The following MYH8 variants were observed in gnomAD, a reference collection of about 807,000 sequenced individuals.
MYH8 encodes myosin-8.
MYH8 carries 168 observed loss-of-function variants against 233.2 expected under a neutral mutation model. The ratio of observed to expected loss-of-function variants is 0.72; its 90% CI spans 0.64 to 0.82. The LOEUF (loss-of-function observed/expected upper bound fraction) is 0.82, where lower values mean the gene tolerates loss of function less well. Ranked by LOEUF, MYH8 falls within the 40% of genes least tolerant of loss-of-function variation. MYH8 has a pLI of 0.00. For missense variants in MYH8, 1,995 were observed against 2,327.8 expected (o/e 0.86, Z 2.94); for synonymous variants, 785 against 850.6 (o/e 0.92, Z 1.34).
intron 30 of MYH8, 81 bp from the exon 31 acceptor site, chr17:10,397,067 C>G (rs779827669): frequency 6.3e-5 from 92 of 1,456,402 alleles, no homozygotes; most frequent in Non-Finnish European, 1.2e-5. Flanking sequence ...TTTCACAGTC[C>G]TATTTCTTTT....
At position 10,400,205 on chromosome 17, in the gene MYH8, C is replaced by A. The variant is rs1440233500; in HGVS notation, c.3735+185G>T. On this transcript the variant is annotated intron_variant, in intron 27 of 39. Transcript: ENST00000403437. This position sits in a 1 kb window ranked among gnomAD's most constrained non-coding sequence, Gnocchi z 4.0. The stretch of plus-strand genomic sequence containing the variant: ...GCGACAGAGTGAGACTCCATCCCCC[C>A]GCTCCAAAAAAAAATCATCTTAATC... Among the ~76,000 whole-genome samples the A allele has an allele frequency of 6.6e-6, 1 of 151,392 alleles. No individual in the cohort carries two copies. The highest frequency in any genetic ancestry group is 1.5e-5 in the Non-Finnish European group (1 of 67,894).
intron 9 of MYH8, among the ~76,000 whole-genome samples, chr17:10,414,703 C>T (rs1193090407): frequency 6.6e-6 from 1 of 152,174 alleles, no homozygotes; most frequent in African/African-American, 2.4e-5. Context: ...ATGAAGGATC[C>T]ATGACCTCTG....
At position 10,395,424 on chromosome 17, in the gene MYH8, T is replaced by C. The variant is rs1328515922; in HGVS notation, c.4671A>G (p.Glu1557=). The change falls in exon 34 of 40, where the codon GAA becomes GAG. Residue 1557 remains glutamate (E), a synonymous_variant. Coordinates refer to ENST00000403437, the MANE Select transcript of MYH8 (RefSeq NM_002472.3). ...GCTGGATACGCAGAATCTTTCCTTC[T>C]TCATGTTCAAGAGATGCCTTAACAA... ...LEEAEASLEH[E]EGKILRIQLE... The C allele has an allele frequency of 6.2e-7, 1 of 1,614,012 alleles. No homozygotes were observed. Among genetic ancestry groups the C allele is most frequent in the Non-Finnish European group, 8.5e-7 (1 of 1,179,996 alleles).
chr17:10,405,666 A>G (rs975587209), intron 21 of MYH8, among the ~76,000 whole-genome samples: 2 of 152,204 alleles, frequency 1.3e-5, no homozygotes, highest in Non-Finnish European at 1.5e-5. Context: ...AGATGAGATA[A>G]GAAGATAAGC....
chr17:10,392,056 C>T, intron 38 of MYH8, 79 bp from the exon 39 acceptor site: 1 of 1,222,006 alleles, frequency 8.2e-7, no homozygotes, highest in South Asian at 1.2e-5. Context: ...AATCATTTGG[C>T]ATGATGGCAG....
Position 10,401,604 on chromosome 17 carries a change from A to G in MYH8, c.2870T>C (p.Ile957Thr), listed in dbSNP as rs771221561. ...EDECSELKKD[I>T]DDLELTLAKV... ...GGCCAGTGTCAGCTCAAGGTCATCAATGTCTTTCTTGAGTTCTGAACATTC... is the reference window on the plus strand; with the variant it reads ...GGCCAGTGTCAGCTCAAGGTCATCAGTGTCTTTCTTGAGTTCTGAACATTC... Residue 957 changes from isoleucine (I) to threonine (T), a missense_variant, in exon 23 of 40, where the codon ATT (isoleucine) becomes ACT (threonine). Around this residue, in one of 3 missense-constraint regions of MYH8, gnomAD observed 1,498 missense variants for 1,680.9 expected, o/e 0.89. Coordinates refer to ENST00000403437, the MANE Select transcript of MYH8 (RefSeq NM_002472.3). 4.3e-6 allele frequency: 7 copies of G among 1,614,040 alleles called. No homozygotes were observed. Among genetic ancestry groups the G allele is most frequent in the South Asian group, 1.1e-5 (1 of 91,070 alleles).
Position 10,397,069 on chromosome 17 carries a change from A to ATTTCT in MYH8, c.4179-88_4179-84dup, listed in dbSNP as rs568240473. ...CTCCTTGGTCCCTTTTCACAGTCCTATTTCTTTTCTTTTCTTTTGTTTCTT... is the reference window on the plus strand; with the variant it reads ...CTCCTTGGTCCCTTTTCACAGTCCTATTTCTTTTCTTTTCTTTTCTTTTGTTTCTT... On this transcript the variant is annotated intron_variant, in intron 30 of 39. Coordinates refer to ENST00000403437, the MANE Select transcript of MYH8 (RefSeq NM_002472.3). 243 of 1,446,340 alleles carry ATTTCT rather than the reference A, an allele frequency of 1.7e-4. 3 individuals are homozygous for ATTTCT. In the South Asian group the frequency reaches 2.4e-3, roughly 15 times the overall value. The allele number at this position is 1,446,340 out of a possible 1,614,324, so 89.6% of individuals were successfully genotyped here. A position where few individuals can be genotyped will look rare whatever the true frequency, so the allele number is the denominator to read the frequency against.
Position 10,409,107 on chromosome 17 carries a change from G to A in MYH8, c.1955C>T (p.Ala652Val). 1 of 1,613,950 alleles carries A rather than the reference G, an allele frequency of 6.2e-7. No homozygotes were observed. Among genetic ancestry groups the A allele is most frequent in the Non-Finnish European group, 8.5e-7 (1 of 1,179,856 alleles). ...AAATTTGTACTTTACCCTGAAAAGG[G>A]CAGACACAGTCTGGAAAGAAGAGCC... is the stretch of plus-strand genomic sequence containing the variant. ...KKGSSFQTVSALFRENLNKLM... is the reference protein window; with the variant it reads ...KKGSSFQTVSVLFRENLNKLM... Residue 652 changes from alanine to valine, a missense_variant, in exon 17 of 40, where the codon GCC becomes GTC. Coordinates refer to ENST00000403437, the MANE Select transcript of MYH8 (RefSeq NM_002472.3).
chr17:10,404,667 T>C lies in MYH8; in HGVS notation c.2433-82A>G, dbSNP rs527854786. On this transcript the variant is annotated intron_variant, in intron 21 of 39. Coordinates refer to ENST00000403437, the MANE Select transcript of MYH8 (RefSeq NM_002472.3). The stretch of plus-strand genomic sequence containing the variant: ...TACTTATCACACACAAATTTCCCTT[T>C]TAATGAATGCCGCTCACAAATAAAT... 5.3e-5 allele frequency: 82 copies of C among 1,537,928 alleles called. No homozygotes were observed. In the Admixed American group the frequency reaches 1.4e-3, roughly 27 times the overall value.
chr17:10,420,843 G>T (rs1196957679), intron 2 of MYH8, among the ~76,000 whole-genome samples: 1 of 151,976 alleles, frequency 6.6e-6, no homozygotes, highest in South Asian at 2.1e-4. Context: ...TTGTAATTTG[G>T]GTTGTTCCCA....
chr17:10,405,974 G>A (rs996889462), intron 21 of MYH8, 67 bp downstream of exon 21: 10 of 1,571,588 alleles, frequency 6.4e-6, no homozygotes, highest in Admixed American at 1.7e-5. Context: ...AAGAATTAAT[G>A]AATGAACAAG....
intron 35 of MYH8, among the ~76,000 whole-genome samples, chr17:10,393,754 C>T (rs1456639895): frequency 6.6e-6 from 1 of 152,098 alleles, no homozygotes; most frequent in East Asian, 1.9e-4. Context: ...GTCAAAATGA[C>T]TAGGGGGTGC....
chr17:10,399,820 G>A (rs956344335), intron 27 of MYH8, 151 bp from the exon 28 acceptor site: 1 of 1,120,680 alleles, frequency 8.9e-7, no homozygotes, highest in Non-Finnish European at 1.3e-6. Flanking sequence ...AAGAATTTAG[G>A]CATGGCGAGT....
At chr17:10,401,518 C>A in intron 23 of MYH8, 25 bp downstream of exon 23, 2 of 1,614,136 alleles carry the variant, frequency 1.2e-6, no homozygotes, top group Non-Finnish European at 1.7e-6. Context: ...AACCTCTATA[C>A]AGTATTGTAA....
intron 12 of MYH8, among the ~76,000 whole-genome samples, chr17:10,413,685 A>G (rs1461372320): frequency 4.6e-5 from 7 of 152,058 alleles, no homozygotes; most frequent in East Asian, 1.9e-4. Flanking sequence ...ATAAGTGGCT[A>G]TTGGGGTTTG....
At chr17:10,407,087 T>C in intron 17 of MYH8, 108 bp from the exon 18 acceptor site, 1 of 837,268 alleles carries the variant, frequency 1.2e-6, no homozygotes, top group Admixed American at 2.0e-5. Context: ...GGCATGCATC[T>C]GTGAGGCTTC....
Position 10,417,612 on chromosome 17 carries a change from C to T in MYH8, c.511+1033G>A, listed in dbSNP as rs573427001. Among the ~76,000 whole-genome samples the T allele has an allele frequency of 2.6e-5, 4 of 152,132 alleles. No individual in the cohort carries two copies. The East Asian group carries it at 5.8e-4, about 22-fold the overall frequency. Reference sequence around the variant, plus strand: ...TGGAGCAGCCCCAAACCCTGGGGAGCGGGGGGCTTGCTGAGTGGGAGGACA... The same window carrying T: ...TGGAGCAGCCCCAAACCCTGGGGAGTGGGGGGCTTGCTGAGTGGGAGGACA... On this transcript the variant is annotated intron_variant, in intron 5 of 39. Coordinates refer to ENST00000403437, the MANE Select transcript of MYH8 (RefSeq NM_002472.3). The surrounding 1 kb of genome is among the most constrained non-coding windows in gnomAD (Gnocchi z 4.1).
In MYH8 at chr17:10,395,241, C is replaced by T. The variant is rs1363118111; in HGVS notation, c.4854G>A (p.Lys1618=). The change falls in exon 34 of 40, where the codon AAG becomes AAA. Residue 1618 remains lysine, a synonymous_variant. Transcript: ENST00000403437. ...IRSRNDALRV[K]KKMEGDLNEM... Reference sequence around the variant, plus strand: ...CATTCAGATCTCCTTCCATTTTCTTCTTGACTCTCAGAGCATCATTTCTGC... The same window carrying T: ...CATTCAGATCTCCTTCCATTTTCTTTTTGACTCTCAGAGCATCATTTCTGC... The T allele has an allele frequency of 6.2e-7, 1 of 1,614,134 alleles. No individual in the cohort carries two copies. The highest frequency in any genetic ancestry group is 8.5e-7 in the Non-Finnish European group (1 of 1,180,034).
chr17:10,395,367 A>G lies in MYH8; in HGVS notation c.4728T>C (p.Asp1576=), dbSNP rs2072069818. Residue 1576 remains aspartate, a synonymous_variant, in exon 34 of 40, where the codon GAT becomes GAC. Coordinates refer to ENST00000403437, the MANE Select transcript of MYH8 (RefSeq NM_002472.3). ...CCTCATCCTTTTCTGCGATTTTTCT[A>G]TCAACTTCAGACTTGACTTGGTTTA... The part of the protein sequence containing the change: ...LELNQVKSEV[D]RKIAEKDEEI... 1 of 1,614,014 alleles carries G rather than the reference A, an allele frequency of 6.2e-7. No individual in the cohort carries two copies. Among genetic ancestry groups the G allele is most frequent in the Non-Finnish European group, 8.5e-7 (1 of 1,179,972 alleles).
Sources: gnomAD v4.1 joint callset for allele counts (sites outside exome capture counted in the v4.1 genomes callset) on GRCh38, gnomAD v4.1.1 for gene constraint, gnomAD v4.1.1 regional missense constraint, Gnocchi (gnomAD v3.1) non-coding constraint, MANE v1.5 for transcripts, NCBI Gene and HGNC (gene_info 2026-07-23, HGNC 2026-07-21) for gene names.